The following DLGAP1 variants were observed in gnomAD, a reference collection of about 807,000 sequenced individuals.
DLGAP1 encodes disks large-associated protein 1.
DLGAP1 carries 11 observed loss-of-function variants against 90.8 expected under a neutral mutation model. That is an observed-to-expected ratio of 0.12 (90% CI 0.08 to 0.20). The LOEUF is 0.20. Among genes scored for constraint, DLGAP1 ranks in the 10% least tolerant of loss-of-function variants. The pLI is 1.00. For missense variants in DLGAP1, 1,050 were observed against 1,333.8 expected, an observed-to-expected ratio of 0.79 and a Z score of 3.31; for synonymous variants, 558 against 540.7, an observed-to-expected ratio of 1.03 and a Z score of -0.44.
At chr18:3,586,618 C>T (rs2055903670) in intron 7 of DLGAP1, among the ~76,000 whole-genome samples, 1 of 152,074 alleles carries the variant, frequency 6.6e-6, no homozygotes, top group Admixed American at 6.5e-5. Context: ...GCCACCATGC[C>T]CGGCTTAAGA....
chr18:4,202,991 C>G (rs796588379), intron 1 of DLGAP1, among the ~76,000 whole-genome samples: 25 of 152,230 alleles, frequency 1.6e-4, no homozygotes, highest in African/African-American at 5.5e-4. Context: ...ATATGATACT[C>G]TTGGCCAGGT....
At chr18:4,145,320 GTT>G (rs1231398167) in intron 2 of DLGAP1, among the ~76,000 whole-genome samples, 1 of 152,118 alleles carries the variant, frequency 6.6e-6, no homozygotes, top group African/African-American at 2.4e-5. Flanking sequence ...GCAGTTTTTA[GTT>G]TCTAAATTAT....
At chr18:3,977,913 A>G (rs1030966743) in intron 3 of DLGAP1, 8 of 360,784 alleles carry the variant, frequency 2.2e-5, no homozygotes, top group African/African-American at 1.3e-4. Flanking sequence ...TCCATGACCA[A>G]CACGTTGGTG....
intron 7 of DLGAP1, chr18:3,597,829 TG>T (rs1399040434): frequency 6.5e-6 from 1 of 154,512 alleles, no homozygotes; most frequent in Admixed American, 6.5e-5. Context: ...TACCTGGATC[TG>T]GAAAGCAGGC....
chr18:3,864,494 C>T (rs1405965669), intron 4 of DLGAP1, among the ~76,000 whole-genome samples: 1 of 152,134 alleles, frequency 6.6e-6, no homozygotes, highest in Non-Finnish European at 1.5e-5. Flanking sequence ...TTTAAATTAA[C>T]TTCATCTGGG....
At chr18:3,560,437 A>T (rs2054016051) in intron 9 of DLGAP1, among the ~76,000 whole-genome samples, 7 of 149,462 alleles carry the variant, frequency 4.7e-5, no homozygotes, top group Admixed American at 4.6e-4. Context: ...AAAAAAAAAA[A>T]AAATTAGCCA....
At chr18:3,951,332 A>G (rs1261078458) in intron 3 of DLGAP1, among the ~76,000 whole-genome samples, 1 of 152,244 alleles carries the variant, frequency 6.6e-6, no homozygotes, top group African/African-American at 2.4e-5. Context: ...ATTTAAGTTC[A>G]TATCTTCTAA....
intron 1 of DLGAP1, among the ~76,000 whole-genome samples, chr18:4,313,070 G>T (rs1394163705): frequency 6.6e-6 from 1 of 152,102 alleles, no homozygotes; most frequent in African/African-American, 2.4e-5. Flanking sequence ...AATTATGCTT[G>T]TCATGTTTTC....
At chr18:4,209,147 T>C (rs531195017) in intron 1 of DLGAP1, among the ~76,000 whole-genome samples, 2 of 152,258 alleles carry the variant, frequency 1.3e-5, no homozygotes, top group East Asian at 3.9e-4. Context: ...AGCTTCTACA[T>C]CTACCAGCAA....
intron 7 of DLGAP1, chr18:3,606,720 G>A (rs1390772566): frequency 6.6e-6 from 1 of 151,866 alleles, no homozygotes; most frequent in Non-Finnish European, 1.5e-5. Flanking sequence ...TTATTCTTTG[G>A]GCTTCTCTGA....
At chr18:4,089,779 C>T (rs926001900) in intron 2 of DLGAP1, among the ~76,000 whole-genome samples, 1 of 152,226 alleles carries the variant, frequency 6.6e-6, no homozygotes, top group African/African-American at 2.4e-5. Flanking sequence ...GGCACGGTGG[C>T]TCACGCCTGT....
At chr18:4,204,775 T>C (rs1440876477) in intron 1 of DLGAP1, among the ~76,000 whole-genome samples, 1 of 152,160 alleles carries the variant, frequency 6.6e-6, no homozygotes, top group Admixed American at 6.5e-5. Context: ...ACATGTTGGA[T>C]GTTCCATGAA....
intron 5 of DLGAP1, among the ~76,000 whole-genome samples, chr18:3,763,112 C>T (rs958180408): frequency 6.6e-6 from 1 of 152,130 alleles, no homozygotes; most frequent in South Asian, 2.1e-4. Context: ...ACATTGGAGT[C>T]AGTGAACTGG....
chr18:4,351,450 T>G (rs1190735546), intron 1 of DLGAP1, among the ~76,000 whole-genome samples: 1 of 152,246 alleles, frequency 6.6e-6, no homozygotes. Flanking sequence ...TTTAAATTTT[T>G]AGTACATATG....
intron 4 of DLGAP1, among the ~76,000 whole-genome samples, chr18:3,827,597 C>T (rs554527542): frequency 1.6e-3 from 236 of 151,958 alleles, no homozygotes; most frequent in Middle Eastern, 0.014. Context: ...TCTTCTTTTT[C>T]TCTCTCTCTC....
At chr18:3,617,472 C>T (rs543961374) in intron 7 of DLGAP1, among the ~76,000 whole-genome samples, 13 of 151,548 alleles carry the variant, frequency 8.6e-5, no homozygotes, top group African/African-American at 1.5e-4. Context: ...TGGTGGTGGG[C>T]GCCTGTAATC....
chr18:3,816,371 G>T (rs889446612), intron 4 of DLGAP1, among the ~76,000 whole-genome samples: 2 of 152,094 alleles, frequency 1.3e-5, no homozygotes, highest in African/African-American at 4.8e-5. Flanking sequence ...AATATTATAG[G>T]TTCTAAGGAA....
At chr18:4,072,213 T>A (rs1173866209) in intron 2 of DLGAP1, among the ~76,000 whole-genome samples, 9 of 152,144 alleles carry the variant, frequency 5.9e-5, no homozygotes, top group Admixed American at 2.0e-4. Flanking sequence ...AGAATTACTT[T>A]AAGGAGCCCA....
Position 4,407,842 on chromosome 18 carries a change from C to G in DLGAP1, c.-267+47164G>C, listed in dbSNP as rs557227311. ...AGGTTGCAGTGAGCCGAGATTACGC[C>G]AGAGTGAGACTCAGTCTCTAAATAA... On this transcript the variant is annotated intron_variant, in intron 1 of 12. Transcript: ENST00000315677. Among the ~76,000 whole-genome samples, 55 of 150,700 alleles carry G rather than the reference C, an allele frequency of 3.6e-4. 1 individual carries two copies. In the South Asian group the frequency reaches 0.011, roughly 30 times the overall value.
Sources: allele counts gnomAD v4.1 joint callset (sites outside exome capture counted in the v4.1 genomes callset), GRCh38; gene constraint gnomAD v4.1.1; transcripts MANE v1.5; gene names NCBI Gene and HGNC (gene_info 2026-07-23, HGNC 2026-07-21).